Variants in ANKRD26 observed in about 807,000 individuals in gnomAD.
ANKRD26 encodes ankyrin repeat domain 26.
A neutral mutation model predicts 208.7 loss-of-function variants in ANKRD26; 141 were observed. The ratio of observed to expected loss-of-function variants is 0.68; its 90% CI spans 0.59 to 0.78. The LOEUF is 0.78. ANKRD26 is among the 30% of genes least tolerant of loss of function. ANKRD26 has a pLI of 0.00. For synonymous variants in ANKRD26, 636 were observed against 660.4 expected (o/e 0.96, Z 0.57); for missense variants, 1,889 against 1,938.7 (o/e 0.97, Z 0.48).
At chr10:27,070,509 A>G (rs971588505) in intron 9 of ANKRD26, among the ~76,000 whole-genome samples, 1 of 152,350 alleles carries the variant, frequency 6.6e-6, no homozygotes, top group African/African-American at 2.4e-5. Flanking sequence ...GAAAAGGACT[A>G]AAAAATCAAG....
At chr10:27,085,528 G>T (rs2056085994) in intron 5 of ANKRD26, among the ~76,000 whole-genome samples, 1 of 152,150 alleles carries the variant, frequency 6.6e-6, no homozygotes, top group African/African-American at 2.4e-5. Flanking sequence ...TCTCAACAAG[G>T]AATTGTTTTT....
chr10:27,051,517 T>C, intron 16 of ANKRD26: 1 of 985,164 alleles, frequency 1.0e-6, no homozygotes, highest in Non-Finnish European at 1.2e-6. Flanking sequence ...TCTGGGTTCC[T>C]TACTTTTTTA....
chr10:27,032,847 T>C (rs2053918315), intron 25 of ANKRD26, among the ~76,000 whole-genome samples: 1 of 145,190 alleles, frequency 6.9e-6, no homozygotes, highest in African/African-American at 2.6e-5. Context: ...GAAGCAAGTG[T>C]ATTATAAAGA....
At chr10:26,999,849 CAGAA>C (rs2052682680), downstream of ANKRD26, among the ~76,000 whole-genome samples, 1 of 130,762 alleles carries the variant, frequency 7.6e-6, no homozygotes, top group Non-Finnish European at 1.7e-5. Flanking sequence ...CCCAAGAAGA[CAGAA>C]ACAAACAAGC....
chr10:27,084,903 C>CT (rs1238033670), intron 5 of ANKRD26, among the ~76,000 whole-genome samples: 7 of 148,768 alleles, frequency 4.7e-5, no homozygotes, highest in African/African-American at 1.2e-4. Flanking sequence ...TCTGTACTTA[C>CT]TTTTTTTTTC....
the ANKRD26 span, among the ~76,000 whole-genome samples, chr10:26,951,375 A>G: frequency 2.6e-5 from 4 of 152,106 alleles, no homozygotes; most frequent in Non-Finnish European, 5.9e-5. Context: ...AATTAGGTGG[A>G]GCAGTGATGA....
At chr10:27,082,376 C>G (rs2055952681) in intron 6 of ANKRD26, among the ~76,000 whole-genome samples, 1 of 152,144 alleles carries the variant, frequency 6.6e-6, no homozygotes, top group African/African-American at 2.4e-5. Flanking sequence ...TACTAATTAC[C>G]ACTGCAATTA....
downstream of ANKRD26, among the ~76,000 whole-genome samples, chr10:26,991,474 T>A (rs1261026004): frequency 1.3e-5 from 2 of 152,092 alleles, no homozygotes; most frequent in Non-Finnish European, 2.9e-5. Context: ...TTCACTCTTG[T>A]TGCTCAGGCT....
intron 27 of ANKRD26, 139 bp downstream of exon 27, chr10:27,028,713 C>A (rs904562863): frequency 1.3e-5 from 9 of 692,908 alleles, no homozygotes; most frequent in African/African-American, 3.6e-5. Context: ...TATGTATGTA[C>A]AAATATTCCA....
chr10:27,067,244 T>C lies in ANKRD26; in HGVS notation c.1120A>G (p.Ile374Val), dbSNP rs2055287164. The C allele has an allele frequency of 2.5e-6, 4 of 1,613,848 alleles. No individual in the cohort carries two copies. Among genetic ancestry groups the C allele is most frequent in the Admixed American group, 1.7e-5 (1 of 60,016 alleles). Residue 374 changes from isoleucine to valine, a missense_variant, in exon 10 of 34, where the codon ATT becomes GTT. Coordinates refer to ENST00000376087, the MANE Select transcript of ANKRD26 (RefSeq NM_014915.3). ...AGTGGAGCACTTTCAATAATATCAA[T>C]ACCATTTTCTTTTTTTGCAATGCCT... ...KPGIAKKENGIDIIESAPLEQ... is the reference protein window; with the variant it reads ...KPGIAKKENGVDIIESAPLEQ...
intron 25 of ANKRD26, among the ~76,000 whole-genome samples, chr10:27,032,132 T>C (rs1175824035): frequency 6.6e-6 from 1 of 152,174 alleles, no homozygotes; most frequent in Non-Finnish European, 1.5e-5. Context: ...GATGTATAAT[T>C]CTCAACTTTC....
intron 1 of ANKRD26, among the ~76,000 whole-genome samples, chr10:27,099,022 C>T (rs2056559748): frequency 6.6e-6 from 1 of 151,414 alleles, no homozygotes; most frequent in Admixed American, 6.6e-5. Context: ...CAGAGTTTTG[C>T]TCTTGTTGCC....
chr10:27,059,523 C>G (rs969021928), intron 15 of ANKRD26, among the ~76,000 whole-genome samples: 5 of 152,122 alleles, frequency 3.3e-5, no homozygotes, highest in African/African-American at 1.2e-4. Context: ...TTGGTTACCT[C>G]TATGCAATAA....
At chr10:27,026,957 T>A (rs1431090982) in intron 27 of ANKRD26, among the ~76,000 whole-genome samples, 1 of 152,166 alleles carries the variant, frequency 6.6e-6, no homozygotes, top group Non-Finnish European at 1.5e-5. Flanking sequence ...GGCTAATTTT[T>A]GTATTTACAG....
chr10:27,088,561 T>C (rs1200331320), intron 4 of ANKRD26: 1 of 152,156 alleles, frequency 6.6e-6, no homozygotes, highest in African/African-American at 2.4e-5. Context: ...GAAAATATTT[T>C]AAAAACTTAA....
intron 6 of ANKRD26, among the ~76,000 whole-genome samples, chr10:27,081,912 A>G (rs1755398): frequency 3.1e-4 from 47 of 151,954 alleles, no homozygotes; most frequent in Non-Finnish European, 5.4e-4. Context: ...AATTCTTTGT[A>G]TTTTTAGTAG....
intron 23 of ANKRD26, among the ~76,000 whole-genome samples, chr10:27,036,656 A>G (rs1482652721): frequency 6.6e-6 from 1 of 152,088 alleles, no homozygotes; most frequent in Non-Finnish European, 1.5e-5. Flanking sequence ...ATCACTAACT[A>G]TATATCATGG....
chr10:26,975,544 A>G (rs1472451527), exon 6 of ANKRD26, among the ~76,000 whole-genome samples: 1 of 151,498 alleles, frequency 6.6e-6, no homozygotes, highest in African/African-American at 2.4e-5. Flanking sequence ...CACAGTTTCT[A>G]AAGAGGAGCT....
intron 4 of ANKRD26, 129 bp downstream of exon 4, chr10:27,092,277 A>G (rs1589377105): frequency 1.5e-6 from 1 of 676,510 alleles, no homozygotes; most frequent in Non-Finnish European, 2.6e-6. Flanking sequence ...TGAGTGAGAA[A>G]CACCAACGAA....
Sources: allele counts gnomAD v4.1 joint callset (sites outside exome capture counted in the v4.1 genomes callset), GRCh38; gene constraint gnomAD v4.1.1; transcripts MANE v1.5; gene names NCBI Gene and HGNC (gene_info 2026-07-23, HGNC 2026-07-21).